The following GPR17 variants were observed in gnomAD, a reference collection of about 807,000 sequenced individuals.
GPR17 encodes G protein-coupled receptor 17, also known as uracil nucleotide/cysteinyl leukotriene receptor.
In GPR17, 4 loss-of-function variants were observed where a neutral mutation model predicts 1.5. The observed-to-expected ratio is 2.73, with a 90% CI of 1.35 to 6.25. GPR17 has a LOEUF of 6.25. GPR17 is among the 30% of genes most tolerant of loss of function. GPR17 has a pLI of 0.00. For synonymous variants in GPR17, 209 were observed against 207.6 expected, an observed-to-expected ratio of 1.01 and a Z score of -0.06; for missense variants, 463 against 462.1, an observed-to-expected ratio of 1.00 and a Z score of -0.02.
chr2:127,650,802 T>C lies in GPR17; in HGVS notation c.67T>C (p.Cys23Arg). 6.2e-7 allele frequency: 1 copy of C among 1,613,044 alleles called. No homozygotes were observed. Among genetic ancestry groups the C allele is most frequent in the Non-Finnish European group, 8.5e-7 (1 of 1,179,044 alleles). The change falls in exon 2 of 2, where the codon TGT becomes CGT. Residue 23 changes from cysteine to arginine, a missense_variant. Cys to Arg is a radical substitution (Grantham distance 180). Coordinates refer to ENST00000486700, the MANE Select transcript of GPR17 (RefSeq NM_001161417.2). ...CTTCTCCCTGGCCACGGCAGAGCAA[T>C]GTGGCCAGGAGACGCCACTGGAGAA... ...TNFSLATAEQCGQETPLENML... is the reference protein window; with the variant it reads ...TNFSLATAEQRGQETPLENML...
At position 127,650,371 on chromosome 2, in the gene GPR17, C is replaced by T; in HGVS notation, c.-20-345C>T. 9.4e-6 allele frequency: 5 copies of T among 534,338 alleles called. No individual in the cohort carries two copies. In the South Asian group the frequency reaches 1.2e-4, roughly 13 times the overall value. 33.1% of individuals were successfully genotyped at this position (534,338 alleles called of 1,614,324 possible). ...CACCTCAGAGGCAGAACAGAAAACC[C>T]AGAGCCTCACCCAGGCAAGGCTCAC... is the stretch of plus-strand genomic sequence containing the variant. On this transcript the variant is annotated intron_variant, in intron 1 of 1. Coordinates refer to ENST00000486700, the MANE Select transcript of GPR17 (RefSeq NM_001161417.2).
Position 127,651,070 on chromosome 2 carries a change from A to G in GPR17, c.335A>G (p.Tyr112Cys). 6.2e-7 allele frequency: 1 copy of G among 1,613,624 alleles called. No individual in the cohort carries two copies. Residue 112 changes from tyrosine to cysteine, a missense_variant, in exon 2 of 2, where the codon TAC (tyrosine) becomes TGC (cysteine). Coordinates refer to ENST00000486700, the MANE Select transcript of GPR17 (RefSeq NM_001161417.2). The stretch of plus-strand genomic sequence containing the variant: ...TGCCGTCTCACCGGCTTCCTCTTCT[A>G]CCTCAACATGTACGCCAGCATCTAC... ...IACRLTGFLF[Y>C]LNMYASIYFL...
intron 1 of GPR17, chr2:127,650,213 G>A (rs1683586723): frequency 1.6e-5 from 12 of 747,436 alleles, no homozygotes; most frequent in Non-Finnish European, 2.5e-5. Flanking sequence ...TGCACCTGTG[G>A]GCAGGTGGGT....
Position 127,650,952 on chromosome 2 carries a change from C to G in GPR17, c.217C>G (p.Leu73Val), listed in dbSNP as rs1047310839. 6.2e-7 allele frequency: 1 copy of G among 1,613,934 alleles called. No homozygotes were observed. Among genetic ancestry groups the G allele is most frequent in the Non-Finnish European group, 8.5e-7 (1 of 1,180,048 alleles). ...GTPANVFLMH[L>V]AVADLSCVLV... is the part of the protein sequence containing the mutation. Reference sequence around the variant, plus strand: ...CCCGGCCAACGTGTTCCTGATGCATCTGGCCGTGGCCGACTTGTCGTGCGT... The same window carrying G: ...CCCGGCCAACGTGTTCCTGATGCATGTGGCCGTGGCCGACTTGTCGTGCGT... The change falls in exon 2 of 2, where the codon CTG (leucine) becomes GTG (valine). Residue 73 changes from leucine to valine, a missense_variant. By Grantham distance (32) the Leu-to-Val change is conservative. Coordinates refer to ENST00000486700, the MANE Select transcript of GPR17 (RefSeq NM_001161417.2).
intron 1 of GPR17, 113 bp from the exon 2 acceptor site, chr2:127,650,603 A>C (rs938891266): frequency 9.5e-6 from 7 of 733,794 alleles, no homozygotes; most frequent in Non-Finnish European, 1.6e-5. Context: ...GGCGGTGCTG[A>C]GCTTGAAAGT....
rs566269595 is a variant in GPR17, at chr2:127,650,409, G to A, written c.-20-307G>A. 7.5e-5 allele frequency: 40 copies of A among 529,868 alleles called. 1 individual carries two copies. Among genetic ancestry groups the A allele is most frequent in the South Asian group, 5.3e-4 (21 of 39,984 alleles). 32.8% of individuals were successfully genotyped at this position (529,868 alleles called of 1,614,324 possible). A position where few individuals can be genotyped will look rare whatever the true frequency, so the allele number is the denominator to read the frequency against. On this transcript the variant is annotated intron_variant, in intron 1 of 1. Coordinates refer to ENST00000486700, the MANE Select transcript of GPR17 (RefSeq NM_001161417.2). The stretch of plus-strand genomic sequence containing the variant: ...AGGCAAGGCTCACGTCCCATTCCCC[G>A]CCATGGCACTGACCCGGTCCTCCCA...
Position 127,647,201 on chromosome 2 carries a change from C to T in GPR17, c.-21+957C>T, listed in dbSNP as rs181386097. On this transcript the variant is annotated intron_variant, in intron 1 of 1. Transcript: ENST00000486700. This position sits in a 1 kb window ranked among gnomAD's most constrained non-coding sequence, Gnocchi z 4.3. The stretch of plus-strand genomic sequence containing the variant: ...TTTTGAGCAAGGGGCTGCACATTCT[C>T]ATTTCATACATGGGCCCCTAAAATG... Among the ~76,000 whole-genome samples, 45 of 152,304 alleles carry T rather than the reference C, an allele frequency of 3.0e-4. No individual in the cohort carries two copies. Among genetic ancestry groups the T allele is most frequent in the Non-Finnish European group, 4.4e-5 (3 of 68,012 alleles).
chr2:127,649,877 G>A, intron 1 of GPR17: 1 of 733,844 alleles, frequency 1.4e-6, no homozygotes, highest in South Asian at 1.8e-5. Flanking sequence ...CTGACGCTGG[G>A]TAAAATGGGT....
Position 127,651,638 on chromosome 2 carries a change from TGAG to T in GPR17, c.904_906del (p.Glu302del), listed in dbSNP as rs781087875. ...ACCCCATCATGTATTTCTTCGTGGC[TGAG>T]AAGTTCCGCCACGCCCTGTGCAACT... On this transcript the variant is annotated inframe_deletion, in exon 2 of 2. Coordinates refer to ENST00000486700, the MANE Select transcript of GPR17 (RefSeq NM_001161417.2). 1.3e-5 allele frequency: 21 copies of T among 1,613,384 alleles called. No homozygotes were observed. The highest frequency in any genetic ancestry group is 6.7e-5 in the Admixed American group (4 of 60,010).
Position 127,647,876 on chromosome 2 carries a change from G to A in GPR17, c.-21+1632G>A, listed in dbSNP as rs533003337. Among the ~76,000 whole-genome samples the A allele has an allele frequency of 2.6e-5, 4 of 151,966 alleles. No homozygotes were observed. The highest frequency in any genetic ancestry group is 1.3e-4 in the Admixed American group (2 of 15,268). ...TCATGGGCCCCCCTCCCCTGCCACC[G>A]TCCCACCGGTACCTGCTCCCTGTTC... On this transcript the variant is annotated intron_variant, in intron 1 of 1. Coordinates refer to ENST00000486700, the MANE Select transcript of GPR17 (RefSeq NM_001161417.2). This position sits in a 1 kb window ranked among gnomAD's most constrained non-coding sequence, Gnocchi z 4.3.
In GPR17 at chr2:127,651,737, T is replaced by C; in HGVS notation, c.1002T>C (p.Ser334=). The C allele has an allele frequency of 1.2e-6, 2 of 1,612,224 alleles. No individual in the cohort carries two copies. The highest frequency in any genetic ancestry group is 1.7e-6 in the Non-Finnish European group (2 of 1,179,644). ...GGAAAACCAACGAGAGCTCGCTGAG[T>C]GCCAAGTCAGAGCTGTGAGCGGGGG... ...FEGKTNESSL[S]AKSEL is the part of the protein sequence containing the mutation. The change falls in exon 2 of 2, where the codon AGT becomes AGC. Residue 334 remains serine (S), a synonymous_variant. Coordinates refer to ENST00000486700, the MANE Select transcript of GPR17 (RefSeq NM_001161417.2).
chr2:127,651,328 C>A lies in GPR17; in HGVS notation c.593C>A (p.Ala198Glu). ...TCCCACCATGCCCTGGTGTCCCTGGCAGTGGCCTTCACCTTCCCGTTCATC... is the reference window on the plus strand; with the variant it reads ...TCCCACCATGCCCTGGTGTCCCTGGAAGTGGCCTTCACCTTCCCGTTCATC... ...KASHHALVSLAVAFTFPFITT... is the reference protein window; with the variant it reads ...KASHHALVSLEVAFTFPFITT... Residue 198 changes from alanine (A) to glutamate (E), a missense_variant, in exon 2 of 2, where the codon GCA (alanine) becomes GAA (glutamate). Transcript: ENST00000486700. 6.2e-7 allele frequency: 1 copy of A among 1,610,958 alleles called. No individual in the cohort carries two copies.
Position 127,647,630 on chromosome 2 carries a change from A to G in GPR17, c.-21+1386A>G, listed in dbSNP as rs1253069197. On this transcript the variant is annotated intron_variant, in intron 1 of 1. Transcript: ENST00000486700. The surrounding 1 kb of genome is among the most constrained non-coding windows in gnomAD (Gnocchi z 4.3). ...CCCCTTCCCACCCCCAGGTTCTAAC[A>G]AGGGCCCCTCACTCACTGGGCCCCC... 6.6e-6 allele frequency among the ~76,000 whole-genome samples: 1 copy of G among 151,744 alleles called. No individual in the cohort carries two copies. The highest frequency in any genetic ancestry group is 1.5e-5 in the Non-Finnish European group (1 of 67,894).
At position 127,647,212 on chromosome 2, in the gene GPR17, T is replaced by C. The variant is rs546186587; in HGVS notation, c.-21+968T>C. Among the ~76,000 whole-genome samples, 1 of 152,266 alleles carries C rather than the reference T, an allele frequency of 6.6e-6. No individual in the cohort carries two copies. Among genetic ancestry groups the C allele is most frequent in the Admixed American group, 6.5e-5 (1 of 15,300 alleles). On this transcript the variant is annotated intron_variant, in intron 1 of 1. Transcript: ENST00000486700. This position sits in a 1 kb window ranked among gnomAD's most constrained non-coding sequence, Gnocchi z 4.3. ...GGGCTGCACATTCTCATTTCATACATGGGCCCCTAAAATGAGGGAGTGGCC... is the reference window on the plus strand; with the variant it reads ...GGGCTGCACATTCTCATTTCATACACGGGCCCCTAAAATGAGGGAGTGGCC...
Position 127,652,473 on chromosome 2 carries a change from C to T in GPR17, c.*718C>T, listed in dbSNP as rs936774795. The T allele has an allele frequency of 5.4e-5, 9 of 167,030 alleles. No individual in the cohort carries two copies. Among genetic ancestry groups the T allele is most frequent in the African/African-American group, 2.2e-4 (9 of 41,476 alleles). 10.3% of individuals were successfully genotyped at this position (167,030 alleles called of 1,614,324 possible). A position where few individuals can be genotyped will look rare whatever the true frequency, so the allele number is the denominator to read the frequency against. On this transcript the variant is annotated 3_prime_UTR_variant, in exon 2 of 2. Coordinates refer to ENST00000486700, the MANE Select transcript of GPR17 (RefSeq NM_001161417.2). ...GCAGTCACGGGAGCTCAGCTCAGGCCAGGGCTGGGCTGTGCACCTGCCTCC... is the reference window on the plus strand; with the variant it reads ...GCAGTCACGGGAGCTCAGCTCAGGCTAGGGCTGGGCTGTGCACCTGCCTCC...
At chr2:127,646,777 G>A (rs560660293) in intron 1 of GPR17, 7 of 152,530 alleles carry the variant, frequency 4.6e-5, no homozygotes, top group South Asian at 2.1e-4. Context: ...ACACCGGCTC[G>A]GTGGCCGTCT....
Position 127,647,144 on chromosome 2 carries a change from C to T in GPR17, c.-21+900C>T, listed in dbSNP as rs1683075866. Among the ~76,000 whole-genome samples, 1 of 152,198 alleles carries T rather than the reference C, an allele frequency of 6.6e-6. No individual in the cohort carries two copies. The highest frequency in any genetic ancestry group is 1.5e-5 in the Non-Finnish European group (1 of 68,020). On this transcript the variant is annotated intron_variant, in intron 1 of 1. Coordinates refer to ENST00000486700, the MANE Select transcript of GPR17 (RefSeq NM_001161417.2). The surrounding 1 kb of genome is among the most constrained non-coding windows in gnomAD (Gnocchi z 4.3). ...TCACTCAGGGCCCTGAGCCCAGTAA[C>T]ACTCTGCCGTCACTGTCCTGAAACT...
Position 127,649,037 on chromosome 2 carries a change from G to T in GPR17, c.-20-1679G>T, listed in dbSNP as rs1286836721. On this transcript the variant is annotated intron_variant, in intron 1 of 1. Transcript: ENST00000486700. Reference sequence around the variant, plus strand: ...GAGGGAGGGAGGAAAGAAAGAAAAAGAAAGAAAGAGAAAAGAAGAAAGGAA... The same window carrying T: ...GAGGGAGGGAGGAAAGAAAGAAAAATAAAGAAAGAGAAAAGAAGAAAGGAA... 2.6e-5 allele frequency among the ~76,000 whole-genome samples: 2 copies of T among 76,820 alleles called. 1 individual carries two copies. The highest frequency in any genetic ancestry group is 5.8e-5 in the Non-Finnish European group (2 of 34,732). The allele number at this position is 76,820 out of a possible 152,430, so 50.4% of individuals were successfully genotyped here.
chr2:127,651,475 G>A lies in GPR17; in HGVS notation c.740G>A (p.Cys247Tyr), dbSNP rs1367964955. Residue 247 changes from cysteine to tyrosine, a missense_variant, in exon 2 of 2, where the codon TGC becomes TAC. By Grantham distance (194) the Cys-to-Tyr change is radical. Coordinates refer to ENST00000486700, the MANE Select transcript of GPR17 (RefSeq NM_001161417.2). ...IAIVLAIFLVCFVPYHVNRSV... is the reference protein window; with the variant it reads ...IAIVLAIFLVYFVPYHVNRSV... ...ATAGTGCTGGCCATCTTCCTGGTCT[G>A]CTTCGTGCCCTACCACGTCAACCGC... The A allele has an allele frequency of 2.5e-6, 4 of 1,612,686 alleles. No individual in the cohort carries two copies. In the Admixed American group the frequency reaches 5.0e-5, roughly 20 times the overall value.
Sources: allele counts gnomAD v4.1 joint callset (sites outside exome capture counted in the v4.1 genomes callset), GRCh38; gene constraint gnomAD v4.1.1; non-coding constraint Gnocchi (gnomAD v3.1); transcripts MANE v1.5; gene names NCBI Gene and HGNC (gene_info 2026-07-23, HGNC 2026-07-21).